Variants in MAML3 observed in about 807,000 individuals in gnomAD.
MAML3 encodes the protein mastermind-like protein 3.
In MAML3, 27 loss-of-function variants were observed where a neutral mutation model predicts 101.9. That is an observed-to-expected ratio of 0.27 (90% CI 0.20 to 0.37). The LOEUF (loss-of-function observed/expected upper bound fraction) is 0.37, where lower values mean the gene tolerates loss of function less well. Among genes scored for constraint, MAML3 ranks in the 10% least tolerant of loss-of-function variants. The pLI is 1.00. For missense variants in MAML3, 1,316 were observed against 1,444.9 expected (o/e 0.91, Z 1.45); for synonymous variants, 501 against 555.9 (o/e 0.90, Z 1.39).
At chr4:139,757,823 G>A (rs139018433) in intron 2 of MAML3, among the ~76,000 whole-genome samples, 1 of 152,034 alleles carries the variant, frequency 6.6e-6, no homozygotes, top group African/African-American at 2.4e-5. Context: ...TCTGCCTCCA[G>A]TCCCCCTACC....
At chr4:139,970,238 G>A (rs1283232038) in intron 1 of MAML3, among the ~76,000 whole-genome samples, 1 of 152,174 alleles carries the variant, frequency 6.6e-6, no homozygotes. Flanking sequence ...TCACGGACAA[G>A]GTAGCATTTG....
chr4:139,749,299 T>C (rs1729423409), intron 2 of MAML3, among the ~76,000 whole-genome samples: 1 of 152,174 alleles, frequency 6.6e-6, no homozygotes, highest in Admixed American at 6.5e-5. Flanking sequence ...ATATATTAAA[T>C]GCAAAAAAAG....
intron 2 of MAML3, among the ~76,000 whole-genome samples, chr4:139,820,574 A>G (rs1239884676): frequency 6.6e-6 from 1 of 152,198 alleles, no homozygotes; most frequent in East Asian, 1.9e-4. Context: ...TCTTCATTTC[A>G]CTAAACCAAA....
At chr4:139,956,134 A>C (rs1232517396) in intron 1 of MAML3, among the ~76,000 whole-genome samples, 1 of 152,170 alleles carries the variant, frequency 6.6e-6, no homozygotes, top group Non-Finnish European at 1.5e-5. Context: ...CAAGTCACTT[A>C]ATCTTTCTGA....
intron 1 of MAML3, among the ~76,000 whole-genome samples, chr4:139,947,543 A>G (rs1479035255): frequency 1.3e-5 from 2 of 152,098 alleles, no homozygotes; most frequent in Non-Finnish European, 2.9e-5. Flanking sequence ...AGAACTGTAG[A>G]CCTGAGGGCA....
In MAML3 at chr4:139,882,855, A is replaced by G. The variant is rs1055537910; in HGVS notation, c.2079+6502T>C. On this transcript the variant is annotated intron_variant, in intron 2 of 4. Coordinates refer to ENST00000509479, the MANE Select transcript of MAML3 (RefSeq NM_018717.5). ...TGGAGCGAGACTCTGTCTTAAAAACACAAACAAATAAACAAACAACAACAA... is the reference window on the plus strand; with the variant it reads ...TGGAGCGAGACTCTGTCTTAAAAACGCAAACAAATAAACAAACAACAACAA... Among the ~76,000 whole-genome samples the G allele has an allele frequency of 5.3e-4, 81 of 152,228 alleles. 3 individuals are homozygous for G. Among genetic ancestry groups the G allele is most frequent in the Admixed American group, 5.0e-3 (77 of 15,280 alleles).
chr4:139,961,085 C>T (rs757353263), intron 1 of MAML3, among the ~76,000 whole-genome samples: 4 of 152,140 alleles, frequency 2.6e-5, no homozygotes, highest in African/African-American at 4.8e-5. Flanking sequence ...GACCACCTCT[C>T]GACTGCACTA....
intron 1 of MAML3, among the ~76,000 whole-genome samples, chr4:140,089,780 G>A (rs1411477885): frequency 6.6e-6 from 1 of 152,186 alleles, no homozygotes; most frequent in Non-Finnish European, 1.5e-5. Flanking sequence ...GGTAGCACGA[G>A]GAAATGTTCT....
chr4:139,746,268 G>A (rs1399197264), intron 2 of MAML3, among the ~76,000 whole-genome samples: 1 of 152,000 alleles, frequency 6.6e-6, no homozygotes, highest in Non-Finnish European at 1.5e-5. Context: ...AACTAGAGAT[G>A]GTAATAAGAA....
chr4:139,810,185 ATTTTTTTTTT>A (rs757041549), intron 2 of MAML3, among the ~76,000 whole-genome samples: 1 of 114,612 alleles, frequency 8.7e-6, no homozygotes, highest in Non-Finnish European at 1.8e-5. Flanking sequence ...ACCAAAATTG[ATTTTTTTTTT>A]TTTTTTTTTT....
intron 1 of MAML3, among the ~76,000 whole-genome samples, chr4:139,922,695 T>C (rs565215480): frequency 2.6e-5 from 4 of 152,308 alleles, no homozygotes; most frequent in South Asian, 2.1e-4. Flanking sequence ...AAATGGCCCA[T>C]CTTTCCCAAG....
At chr4:140,131,661 C>T (rs1291300819) in intron 1 of MAML3, among the ~76,000 whole-genome samples, 6 of 152,172 alleles carry the variant, frequency 3.9e-5, no homozygotes, top group African/African-American at 1.4e-4. Context: ...TTTTTTCCCT[C>T]CCTCTTCCAT....
intron 2 of MAML3, among the ~76,000 whole-genome samples, chr4:139,742,146 T>C (rs1579382699): frequency 1.8e-5 from 1 of 54,570 alleles, no homozygotes; most frequent in East Asian, 5.4e-4. Context: ...TTTCTTTTCT[T>C]TTCTTTTTTT....
intron 1 of MAML3, among the ~76,000 whole-genome samples, chr4:139,966,967 G>T (rs1241073759): frequency 6.6e-6 from 1 of 152,088 alleles, no homozygotes; most frequent in Non-Finnish European, 1.5e-5. Context: ...GAGGGACATA[G>T]ACATGAACAT....
intron 1 of MAML3, among the ~76,000 whole-genome samples, chr4:139,901,838 AT>A: frequency 6.6e-6 from 1 of 152,280 alleles, no homozygotes; most frequent in Non-Finnish European, 1.5e-5. Context: ...GGATTCAACA[AT>A]CTTTTTATTT....
intron 1 of MAML3, among the ~76,000 whole-genome samples, chr4:140,007,229 G>A (rs1332872399): frequency 6.6e-6 from 1 of 152,188 alleles, no homozygotes; most frequent in African/African-American, 2.4e-5. Flanking sequence ...AGAGATTAGA[G>A]AAAACAAGAG....
At chr4:139,962,929 G>T (rs1734047806) in intron 1 of MAML3, among the ~76,000 whole-genome samples, 1 of 152,092 alleles carries the variant, frequency 6.6e-6, no homozygotes, top group Admixed American at 6.5e-5. Context: ...ATGTAATGGA[G>T]ACTACAGCCA....
intron 1 of MAML3, among the ~76,000 whole-genome samples, chr4:139,967,209 A>G (rs534624778): frequency 6.6e-6 from 1 of 152,250 alleles, no homozygotes; most frequent in East Asian, 1.9e-4. Flanking sequence ...GAGGAGAAGC[A>G]GATGATGAAA....
intron 1 of MAML3, among the ~76,000 whole-genome samples, chr4:139,893,840 G>A (rs1011116878): frequency 1.3e-5 from 2 of 152,156 alleles, no homozygotes; most frequent in African/African-American, 4.8e-5. Flanking sequence ...GCATGTGGCC[G>A]TGGTGAAAGA....
Sources: gnomAD v4.1 joint callset for allele counts (sites outside exome capture counted in the v4.1 genomes callset) on GRCh38, gnomAD v4.1.1 for gene constraint, MANE v1.5 for transcripts, NCBI Gene and HGNC (gene_info 2026-07-23, HGNC 2026-07-21) for gene names.